The following TIMM9 variants were observed in gnomAD, a reference collection of about 807,000 sequenced individuals.
TIMM9 encodes mitochondrial import inner membrane translocase subunit Tim9.
TIMM9 carries 10 observed loss-of-function variants against 13.4 expected under a neutral mutation model. That is an observed-to-expected ratio of 0.75 (90% CI 0.46 to 1.26). TIMM9 has a LOEUF of 1.26. Among genes scored for constraint, TIMM9 ranks in the 50% most tolerant of loss-of-function variants. The pLI, the probability that TIMM9 is intolerant of heterozygous loss-of-function variation, is 0.00. For missense variants in TIMM9, 87 were observed against 100.8 expected (o/e 0.86, Z 0.58); for synonymous variants, 32 against 32.1 (o/e 1.00, Z 0.01).
Position 58,427,230 on chromosome 14 carries a change from A to G in TIMM9, c.-291T>C, listed in dbSNP as rs569490989. On this transcript the variant is annotated 5_prime_UTR_variant, in exon 2 of 6. Transcript: ENST00000395159. Reference sequence around the variant, plus strand: ...AAACCCTTAGACGCCGATTCGTTATAACGCGAGGAAATCTAGAAGAAAAAG... The same window carrying G: ...AAACCCTTAGACGCCGATTCGTTATGACGCGAGGAAATCTAGAAGAAAAAG... 1 of 210,380 alleles carries G rather than the reference A, an allele frequency of 4.8e-6. No individual in the cohort carries two copies. The highest frequency in any genetic ancestry group is 5.9e-5 in the South Asian group (1 of 16,968). 13.0% of individuals were successfully genotyped at this position (210,380 alleles called of 1,614,324 possible).
chr14:58,417,440 G>A (rs2036448333), intron 3 of TIMM9, among the ~76,000 whole-genome samples: 1 of 146,240 alleles, frequency 6.8e-6, no homozygotes, highest in Non-Finnish European at 1.5e-5. Context: ...GTTTAAGGCT[G>A]CAGTGAGCTA....
chr14:58,416,304 A>G (rs531006598), intron 3 of TIMM9, among the ~76,000 whole-genome samples: 7 of 152,186 alleles, frequency 4.6e-5, no homozygotes, highest in Admixed American at 3.9e-4. Flanking sequence ...GTGAAAAACT[A>G]TATCTTGCCT....
chr14:58,419,722 A>G (rs1463244217), intron 3 of TIMM9, among the ~76,000 whole-genome samples: 2 of 151,782 alleles, frequency 1.3e-5, no homozygotes, highest in Admixed American at 1.3e-4. Flanking sequence ...CCTGGGTAAC[A>G]TGACAAACCC....
chr14:58,421,025 G>A (rs903626027), intron 3 of TIMM9, among the ~76,000 whole-genome samples: 1 of 152,086 alleles, frequency 6.6e-6, no homozygotes, highest in African/African-American at 2.4e-5. Flanking sequence ...ATCTGTCCTA[G>A]AGAAATGAAA....
chr14:58,411,792 C>T, intron 4 of TIMM9, 115 bp downstream of exon 4: 1 of 919,062 alleles, frequency 1.1e-6, no homozygotes. Context: ...CCACCTGGGC[C>T]TCCCAACGTG....
Position 58,420,759 on chromosome 14 carries a change from C to G in TIMM9, c.-27+3249G>C, listed in dbSNP as rs117161128. ...AGTGAGCCGGGATCACGCCACTGCACTCCAACCTGGGTGACGAGAGCAAAA... is the reference window on the plus strand; with the variant it reads ...AGTGAGCCGGGATCACGCCACTGCAGTCCAACCTGGGTGACGAGAGCAAAA... On this transcript the variant is annotated intron_variant, in intron 3 of 5. Coordinates refer to ENST00000395159, the MANE Select transcript of TIMM9 (RefSeq NM_012460.4). 9.7e-3 allele frequency among the ~76,000 whole-genome samples: 1,262 copies of G among 129,878 alleles called. 36 individuals are homozygous for G. In the East Asian group the frequency reaches 0.11, roughly 12 times the overall value. 85.2% of individuals were successfully genotyped at this position (129,878 alleles called of 152,430 possible). A position where few individuals can be genotyped will look rare whatever the true frequency, so the allele number is the denominator to read the frequency against.
intron 5 of TIMM9, among the ~76,000 whole-genome samples, chr14:58,410,172 G>A (rs1477138931): frequency 1.3e-5 from 2 of 152,098 alleles, no homozygotes; most frequent in South Asian, 2.1e-4. Context: ...CCCGGGCTCA[G>A]GTGACCCTCT....
Position 58,411,942 on chromosome 14 carries a change from C to A in TIMM9, c.4G>T (p.Ala2Ser). ...TGATCAGATTCTGGTATTTGTGCAG[C>A]CATATTCTTCTGGTACCTTTATTAG... Reference protein sequence around the residue: MAAQIPESDQIK... With the variant: MSAQIPESDQIK... Residue 2 changes from alanine (A) to serine (S), a missense_variant, in exon 4 of 6, where the codon GCT (alanine) becomes TCT (serine). Ala to Ser is a moderately conservative substitution (Grantham distance 99). Coordinates refer to ENST00000395159, the MANE Select transcript of TIMM9 (RefSeq NM_012460.4). The A allele has an allele frequency of 1.2e-6, 2 of 1,613,566 alleles. No individual in the cohort carries two copies. The highest frequency in any genetic ancestry group is 1.7e-6 in the Non-Finnish European group (2 of 1,179,596).
intron 3 of TIMM9, among the ~76,000 whole-genome samples, chr14:58,414,050 T>C (rs377288667): frequency 1.8e-5 from 1 of 55,042 alleles, no homozygotes; most frequent in African/African-American, 6.7e-5. Context: ...TTGTATAAAA[T>C]AAAGCTGTTT....
At chr14:58,422,584 T>C (rs539727449) in intron 3 of TIMM9, among the ~76,000 whole-genome samples, 16 of 150,996 alleles carry the variant, frequency 1.1e-4, no homozygotes, top group African/African-American at 3.9e-4. Context: ...GGTATGAATC[T>C]TCTTTATTCA....
At chr14:58,420,450 C>T (rs1465617190) in intron 3 of TIMM9, among the ~76,000 whole-genome samples, 3 of 152,092 alleles carry the variant, frequency 2.0e-5, no homozygotes, top group Non-Finnish European at 4.4e-5. Context: ...CTAATAAGTA[C>T]CTGAAAAGAT....
At chr14:58,422,217 G>A (rs1213561008) in intron 3 of TIMM9, among the ~76,000 whole-genome samples, 1 of 151,304 alleles carries the variant, frequency 6.6e-6, no homozygotes, top group East Asian at 1.9e-4. Context: ...CCAGGTTCAA[G>A]CGATTCTCCT....
intron 3 of TIMM9, among the ~76,000 whole-genome samples, chr14:58,414,817 A>T (rs2036348339): frequency 6.6e-6 from 1 of 152,022 alleles, no homozygotes; most frequent in South Asian, 2.1e-4. Context: ...TTTCCTTCGT[A>T]TGCACAGAAA....
chr14:58,423,531 A>G (rs918701657), intron 3 of TIMM9, among the ~76,000 whole-genome samples: 6 of 151,736 alleles, frequency 4.0e-5, no homozygotes, highest in African/African-American at 9.7e-5. Flanking sequence ...AAAAAAAAAA[A>G]AAAAAAAAGA....
chr14:58,418,621 T>C (rs4901857), intron 3 of TIMM9, among the ~76,000 whole-genome samples: 150,036 of 152,324 alleles, frequency 0.98, 73,930 homozygotes, highest in East Asian at 1. Context: ...ACACAATAAG[T>C]ATATTTAAAA....
At chr14:58,409,732 C>G (rs538163326) in intron 5 of TIMM9, among the ~76,000 whole-genome samples, 1 of 152,086 alleles carries the variant, frequency 6.6e-6, no homozygotes, top group South Asian at 2.1e-4. Flanking sequence ...GTGCCTGCCA[C>G]CATGCCTGGC....
intron 3 of TIMM9, among the ~76,000 whole-genome samples, chr14:58,419,618 T>C (rs1162028480): frequency 6.6e-6 from 1 of 151,052 alleles, no homozygotes; most frequent in African/African-American, 2.4e-5. Context: ...TCAAAATGGA[T>C]TGGGGGGCCA....
chr14:58,419,506 A>ACACAC (rs2036526619), intron 3 of TIMM9, among the ~76,000 whole-genome samples: 9 of 69,014 alleles, frequency 1.3e-4, no homozygotes, highest in Non-Finnish European at 1.6e-4. Context: ...CACACACACA[A>ACACAC]ACACATACAC....
At chr14:58,413,069 T>C (rs112990703) in intron 3 of TIMM9, among the ~76,000 whole-genome samples, 2 of 152,294 alleles carry the variant, frequency 1.3e-5, no homozygotes, top group Non-Finnish European at 2.9e-5. Context: ...GATTTTAACA[T>C]TTCAACATAC....
Sources: gnomAD v4.1 joint callset for allele counts (sites outside exome capture counted in the v4.1 genomes callset) on GRCh38, gnomAD v4.1.1 for gene constraint, MANE v1.5 for transcripts, NCBI Gene and HGNC (gene_info 2026-07-23, HGNC 2026-07-21) for gene names.